Variants in TUFT1 observed in about 807,000 individuals in gnomAD.
The protein encoded by TUFT1 is tuftelin 1.
TUFT1 carries 43 observed loss-of-function variants against 57.8 expected under a neutral mutation model. That is an observed-to-expected ratio of 0.74 (90% CI 0.58 to 0.96). The LOEUF (loss-of-function observed/expected upper bound fraction) is 0.96. TUFT1 is among the 40% of genes least tolerant of loss of function. TUFT1 has a pLI of 0.00. For synonymous variants in TUFT1, 166 were observed against 176.7 expected (o/e 0.94, Z 0.48); for missense variants, 459 against 489.0 (o/e 0.94, Z 0.58).
At chr1:151,541,881 C>T (rs568702417) in intron 1 of TUFT1, among the ~76,000 whole-genome samples, 2 of 152,268 alleles carry the variant, frequency 1.3e-5, no homozygotes, top group African/African-American at 2.4e-5. Context: ...GCTATGTTGC[C>T]GGAGCTGCAG....
chr1:151,576,708 C>G (rs767217644), intron 9 of TUFT1, among the ~76,000 whole-genome samples: 9 of 152,170 alleles, frequency 5.9e-5, no homozygotes, highest in Non-Finnish European at 1.2e-4. Flanking sequence ...TCTCGGCTCA[C>G]TGCAACCTCC....
intron 1 of TUFT1, chr1:151,557,403 G>C (rs998614591): frequency 3.5e-6 from 3 of 845,246 alleles, no homozygotes; most frequent in Admixed American, 2.1e-5. Flanking sequence ...GAAAACCTAA[G>C]AGGGGCTTTC....
chr1:151,550,779 T>G (rs1238367006), intron 1 of TUFT1, among the ~76,000 whole-genome samples: 1 of 152,224 alleles, frequency 6.6e-6, no homozygotes, highest in East Asian at 1.9e-4. Context: ...CATTTTCTAA[T>G]TAGCCAGGCA....
At chr1:151,576,784 C>T (rs1243163478) in intron 9 of TUFT1, among the ~76,000 whole-genome samples, 14 of 152,032 alleles carry the variant, frequency 9.2e-5, no homozygotes, top group African/African-American at 2.4e-4. Context: ...CCACCACACC[C>T]GGCTAATTTT....
intron 8 of TUFT1, 45 bp from the exon 9 acceptor site, chr1:151,574,866 T>C (rs773513274): frequency 5.3e-6 from 8 of 1,511,562 alleles, no homozygotes; most frequent in Non-Finnish European, 7.2e-6. Context: ...ACGCAGAAAC[T>C]GTTGCCATCT....
intron 1 of TUFT1, among the ~76,000 whole-genome samples, chr1:151,544,734 A>T (rs1665279038): frequency 6.6e-6 from 1 of 152,332 alleles, no homozygotes; most frequent in Admixed American, 6.5e-5. Context: ...AAAGGCTTTT[A>T]AAAGAAAATA....
chr1:151,541,003 T>C (rs1416415573), intron 1 of TUFT1: 1 of 152,504 alleles, frequency 6.6e-6, no homozygotes, highest in Non-Finnish European at 1.5e-5. Context: ...GGACTCTACC[T>C]TTCGCTAAGG....
At chr1:151,540,549 G>A in intron 1 of TUFT1, 123 bp downstream of exon 1, 1 of 1,091,278 alleles carries the variant, frequency 9.2e-7, no homozygotes, top group Non-Finnish European at 1.4e-6. Flanking sequence ...GGTCAGCCCT[G>A]CGCGGCGCTT....
chr1:151,559,661 C>T (rs1665819886), intron 1 of TUFT1, among the ~76,000 whole-genome samples: 1 of 152,156 alleles, frequency 6.6e-6, no homozygotes, highest in African/African-American at 2.4e-5. Context: ...AAACCAGCTA[C>T]TTTGCTAGGG....
chr1:151,555,764 G>A (rs1230110979), intron 1 of TUFT1, among the ~76,000 whole-genome samples: 1 of 133,246 alleles, frequency 7.5e-6, no homozygotes, highest in East Asian at 2.1e-4. Context: ...GTGACAAGGT[G>A]AGACTCCGTC....
intron 11 of TUFT1, 142 bp from the exon 12 acceptor site, chr1:151,580,800 G>T: frequency 1.5e-6 from 1 of 673,544 alleles, no homozygotes; most frequent in Admixed American, 2.3e-5. Context: ...GAGGCAAGTG[G>T]GTATCCAGGT....
Position 151,581,661 on chromosome 1 carries a change from C to T in TUFT1, c.1127C>T (p.Pro376Leu), listed in dbSNP as rs140412170. 64 of 1,614,010 alleles carry T rather than the reference C, an allele frequency of 4.0e-5. No individual in the cohort carries two copies. In the African/African-American group the frequency reaches 4.3e-4, roughly 11 times the overall value. Residue 376 changes from proline (P) to leucine (L), a missense_variant, in exon 13 of 13, where the codon CCG becomes CTG. Transcript: ENST00000368849. ...ENPGSIRISK[P>L]PSPKPMPVIR... ...CTTTTCAGTATTAGGATATCCAAGC[C>T]GCCTAGCCCGAAGCCCATGCCTGTC...
intron 6 of TUFT1, among the ~76,000 whole-genome samples, chr1:151,567,101 G>C (rs1054632157): frequency 6.6e-6 from 1 of 152,142 alleles, no homozygotes; most frequent in African/African-American, 2.4e-5. Context: ...TGTAGAGATG[G>C]GGTTGCCCAG....
chr1:151,573,092 A>T (rs996599643), intron 7 of TUFT1, among the ~76,000 whole-genome samples: 3 of 152,086 alleles, frequency 2.0e-5, no homozygotes, highest in Non-Finnish European at 4.4e-5. Context: ...GATTAGAAGA[A>T]CGTCAGTTCC....
intron 8 of TUFT1, 84 bp from the exon 9 acceptor site, chr1:151,574,827 G>A: frequency 8.2e-7 from 1 of 1,216,974 alleles, no homozygotes; most frequent in Non-Finnish European, 1.2e-6. Context: ...TAGGGGCTGA[G>A]TCCCAGCCTG....
intron 1 of TUFT1, chr1:151,561,833 G>A: frequency 9.6e-6 from 14 of 1,458,732 alleles, no homozygotes; most frequent in Non-Finnish European, 1.3e-5. Context: ...AGCCCTGCTG[G>A]AGCTCTACAG....
chr1:151,577,804 C>T (rs975798991), intron 9 of TUFT1, among the ~76,000 whole-genome samples: 6 of 152,056 alleles, frequency 3.9e-5, no homozygotes, highest in African/African-American at 1.4e-4. Flanking sequence ...AGGAGGATTG[C>T]TTGGGTTTAA....
At chr1:151,576,629 C>T (rs1016916532) in intron 9 of TUFT1, among the ~76,000 whole-genome samples, 9 of 151,984 alleles carry the variant, frequency 5.9e-5, no homozygotes, top group Non-Finnish European at 1.0e-4. Flanking sequence ...AAACATTTTC[C>T]GTATTTATTT....
Position 151,581,107 on chromosome 1 carries a change from T to C in TUFT1, c.1109+65T>C, listed in dbSNP as rs374998990. The C allele has an allele frequency of 3.4e-5, 47 of 1,402,486 alleles. No individual in the cohort carries two copies. The African/African-American group carries it at 5.8e-4, about 17-fold the overall frequency. 86.9% of individuals were successfully genotyped at this position (1,402,486 alleles called of 1,614,324 possible). ...GGGGAGAAGGAGGGACAGAGCTCTG[T>C]AGAACCTTTAGTGCTAAGGCAAGAA... On this transcript the variant is annotated intron_variant, in intron 12 of 12. Coordinates refer to ENST00000368849, the MANE Select transcript of TUFT1 (RefSeq NM_020127.3).
Sources: gnomAD v4.1 joint callset for allele counts (sites outside exome capture counted in the v4.1 genomes callset) on GRCh38, gnomAD v4.1.1 for gene constraint, MANE v1.5 for transcripts, NCBI Gene and HGNC (gene_info 2026-07-23, HGNC 2026-07-21) for gene names.